MAP4: variants seen among roughly 807,000 people sequenced by gnomAD.
The protein encoded by MAP4 is microtubule-associated protein 4.
MAP4 carries 76 observed loss-of-function variants against 170.2 expected under a neutral mutation model. That is an observed-to-expected ratio of 0.45 (90% CI 0.37 to 0.54). The LOEUF is 0.54. Among genes scored for constraint, MAP4 ranks in the 20% least tolerant of loss-of-function variants. The pLI is 0.00. For synonymous variants in MAP4, 909 were observed against 994.5 expected (o/e 0.91, Z 1.62); for missense variants, 2,506 against 2,748.0 (o/e 0.91, Z 1.97).
rs1316315053 is a variant in MAP4 at position 47,867,347 on chromosome 3, TTAGAAAA to T, written c.6409-16_6409-10del. ...TTGGAGACTATCTGGACCTGGAGTG[TTAGAAAA>T]TAGAAAAAACAACACAAAGGGAGAG... On this transcript the variant is annotated splice_polypyrimidine_tract_variant and intron_variant, in intron 16 of 20. Transcript: ENST00000683076. 1.3e-6 allele frequency: 2 copies of T among 1,592,530 alleles called. No individual in the cohort carries two copies. Among genetic ancestry groups the T allele is most frequent in the African/African-American group, 1.3e-5 (1 of 74,414 alleles).
At chr3:48,070,212 T>C (rs1169049659) in intron 1 of MAP4, among the ~76,000 whole-genome samples, 1 of 151,704 alleles carries the variant, frequency 6.6e-6, no homozygotes, top group Non-Finnish European at 1.5e-5. Flanking sequence ...TCTTTTTTTT[T>C]CTCCCTCCTC....
At chr3:47,885,706 T>G (rs1237052566) in intron 10 of MAP4, among the ~76,000 whole-genome samples, 1 of 151,852 alleles carries the variant, frequency 6.6e-6, no homozygotes, top group Admixed American at 6.6e-5. Context: ...CCAACAACTG[T>G]GCAAATTTGT....
chr3:48,088,772 CCCG>C, exon 1 of MAP4: 2 of 152,690 alleles, frequency 1.3e-5, no homozygotes, highest in Non-Finnish European at 2.9e-5. Flanking sequence ...GCTGCACCTA[CCCG>C]CCGCCGCCGA....
chr3:47,940,306 T>C (rs2100055475), intron 3 of MAP4, among the ~76,000 whole-genome samples: 1 of 152,202 alleles, frequency 6.6e-6, no homozygotes, highest in African/African-American at 2.4e-5. Flanking sequence ...CTTTATTCAA[T>C]ACTGCTGACC....
intron 9 of MAP4, among the ~76,000 whole-genome samples, chr3:47,905,964 A>T (rs1272457107): frequency 1.3e-5 from 2 of 152,070 alleles, no homozygotes; most frequent in African/African-American, 4.8e-5. Flanking sequence ...ATTGCACTCC[A>T]GCCTGGGCAA....
At chr3:47,918,139 C>A (rs528545275) in intron 6 of MAP4, among the ~76,000 whole-genome samples, 3 of 152,144 alleles carry the variant, frequency 2.0e-5, no homozygotes, top group Non-Finnish European at 4.4e-5. Context: ...CCTGCCACCA[C>A]GCCCAGCTAA....
At chr3:47,896,794 A>T (rs2100027120) in intron 10 of MAP4, among the ~76,000 whole-genome samples, 1 of 152,226 alleles carries the variant, frequency 6.6e-6, no homozygotes, top group Non-Finnish European at 1.5e-5. Flanking sequence ...AAGAAAAGCT[A>T]AATTTCAAAA....
In MAP4 at chr3:47,909,567, A is replaced by G; in HGVS notation, c.4854T>C (p.Val1618=). The G allele has an allele frequency of 6.2e-7, 1 of 1,612,686 alleles. No homozygotes were observed. Reference sequence around the variant, plus strand: ...CCAGTAAGTCAGGAATCTGAACTGCAACAGACCCTTCTTTAGTCTCTTTCT... The same window carrying G: ...CCAGTAAGTCAGGAATCTGAACTGCGACAGACCCTTCTTTAGTCTCTTTCT... ...NEEKETKEGS[V]AVQIPDLLED... Residue 1618 remains valine, a synonymous_variant, in exon 9 of 21, where the codon GTT becomes GTC. Transcript: ENST00000683076.
At chr3:47,991,722 C>T (rs2100092393) in intron 2 of MAP4, among the ~76,000 whole-genome samples, 1 of 151,392 alleles carries the variant, frequency 6.6e-6, no homozygotes, top group South Asian at 2.1e-4. Flanking sequence ...TGGAGTGCAA[C>T]AATGGCACGA....
chr3:48,048,377 A>G (rs1166299274), intron 1 of MAP4, among the ~76,000 whole-genome samples: 1 of 152,038 alleles, frequency 6.6e-6, no homozygotes, highest in African/African-American at 2.4e-5. Context: ...TAAAAGTAGC[A>G]TCACTTATTT....
intron 2 of MAP4, among the ~76,000 whole-genome samples, chr3:47,980,089 T>A (rs1487064002): frequency 1.3e-5 from 2 of 152,224 alleles, no homozygotes; most frequent in African/African-American, 2.4e-5. Context: ...CACCTTGGCC[T>A]CCCAAAGTGT....
chr3:48,022,225 C>T (rs773607561), intron 1 of MAP4, among the ~76,000 whole-genome samples: 5 of 151,744 alleles, frequency 3.3e-5, no homozygotes, highest in Non-Finnish European at 7.4e-5. Context: ...AATAACATGG[C>T]GAATATTTTC....
At chr3:47,888,112 G>A (rs1460977426) in intron 10 of MAP4, among the ~76,000 whole-genome samples, 2 of 152,182 alleles carry the variant, frequency 1.3e-5, no homozygotes, top group Non-Finnish European at 2.9e-5. Flanking sequence ...TCGAAACTCT[G>A]TATCTAACTA....
In MAP4 at chr3:48,002,912, A is replaced by T. The variant is rs147990011; in HGVS notation, c.-19-4033T>A. Among the ~76,000 whole-genome samples, 738 of 151,654 alleles carry T rather than the reference A, an allele frequency of 4.9e-3. 4 individuals are homozygous for T. Among genetic ancestry groups the T allele is most frequent in the African/African-American group, 0.014 (569 of 41,454 alleles). ...AAATTTAAAAACTTTTAAATAAATAAGTAAAAAATAAATCACACTCTGGCT... is the reference window on the plus strand; with the variant it reads ...AAATTTAAAAACTTTTAAATAAATATGTAAAAAATAAATCACACTCTGGCT... On this transcript the variant is annotated intron_variant, in intron 1 of 20. Coordinates refer to ENST00000683076, the MANE Select transcript of MAP4 (RefSeq NM_001385682.1).
chr3:47,928,314 T>C lies in MAP4; in HGVS notation c.329A>G (p.Tyr110Cys), dbSNP rs1336327623. Residue 110 changes from tyrosine to cysteine, a missense_variant, in exon 4 of 21, where the codon TAC (tyrosine) becomes TGC (cysteine). By Grantham distance (194) the Tyr-to-Cys change is radical. Around this residue, in one of 3 missense-constraint regions of MAP4, gnomAD observed 2,008 missense variants for 2,206.0 expected, o/e 0.91. Transcript: ENST00000683076. The stretch of plus-strand genomic sequence containing the variant: ...GTTCTGGCTATTTGGGTATTCCTGG[T>C]AGGCCATTTTCTCTTCAAGGAATTC... ...PTEFLEEKMA[Y>C]QEYPNSQNWP... The C allele has an allele frequency of 1.7e-5, 27 of 1,614,000 alleles. No homozygotes were observed. The highest frequency in any genetic ancestry group is 2.0e-5 in the Non-Finnish European group (24 of 1,179,976).
At chr3:48,077,963 A>G (rs922569914) in intron 1 of MAP4, among the ~76,000 whole-genome samples, 7 of 152,200 alleles carry the variant, frequency 4.6e-5, no homozygotes. Flanking sequence ...TTCCATTAAT[A>G]TGGAATGTCC....
intron 1 of MAP4, among the ~76,000 whole-genome samples, chr3:48,052,244 CAG>C (rs1213617672): frequency 6.6e-6 from 1 of 152,100 alleles, no homozygotes; most frequent in Non-Finnish European, 1.5e-5. Context: ...TTTTTTGAGA[CAG>C]AGTCTCGCTC....
chr3:47,885,723 CT>C (rs1185871489), intron 10 of MAP4, among the ~76,000 whole-genome samples: 14 of 150,146 alleles, frequency 9.3e-5, no homozygotes, highest in African/African-American at 3.4e-4. Context: ...TTGTTAACGC[CT>C]TTGTTCTTTT....
At chr3:47,902,736 G>A (rs984124205) in intron 10 of MAP4, among the ~76,000 whole-genome samples, 2 of 147,348 alleles carry the variant, frequency 1.4e-5, no homozygotes, top group African/African-American at 5.0e-5. Flanking sequence ...TGGGGTGAGA[G>A]TAATGAGGAA....
Sources: allele counts gnomAD v4.1 joint callset (sites outside exome capture counted in the v4.1 genomes callset), GRCh38; gene constraint gnomAD v4.1.1; regional missense constraint gnomAD v4.1.1; transcripts MANE v1.5; gene names NCBI Gene and HGNC (gene_info 2026-07-23, HGNC 2026-07-21).